PPP1R2B: variants seen among roughly 807,000 people sequenced by gnomAD.
The protein encoded by PPP1R2B is protein phosphatase inhibitor 2 family member B.
In PPP1R2B, 13 loss-of-function variants were observed where a neutral mutation model predicts 17.6. The observed-to-expected ratio is 0.74, with a 90% confidence interval of 0.48 to 1.17. PPP1R2B has a LOEUF of 1.17. Among genes scored for constraint, PPP1R2B ranks in the 50% most tolerant of loss-of-function variants. PPP1R2B has a pLI of 0.00. For missense variants in PPP1R2B, 230 were observed against 252.4 expected (o/e 0.91, Z 0.60); for synonymous variants, 105 against 95.4 (o/e 1.10, Z -0.59).
Position 156,850,629 on chromosome 5 carries a change from T to A in PPP1R2B, c.67T>A (p.Ser23Thr). ...CTTGAAGAACAAGACCTCTACGACTTCCTCTATGGTGGCGTCGGCCGAACA... is the reference window on the plus strand; with the variant it reads ...CTTGAAGAACAAGACCTCTACGACTACCTCTATGGTGGCGTCGGCCGAACA... ...GILKNKTSTTSSMVASAEQPR... is the reference protein window; with the variant it reads ...GILKNKTSTTTSMVASAEQPR... Residue 23 changes from serine (S) to threonine (T), a missense_variant, in exon 1 of 1, where the codon TCC (serine) becomes ACC (threonine). Physicochemically the swap from Ser to Thr is moderately conservative, Grantham distance 58. Coordinates refer to ENST00000522232, the MANE Select transcript of PPP1R2B (RefSeq NM_206858.3). 1 of 1,604,224 alleles carries A rather than the reference T, an allele frequency of 6.2e-7. No individual in the cohort carries two copies. Among genetic ancestry groups the A allele is most frequent in the South Asian group, 1.1e-5 (1 of 90,100 alleles).
Position 156,850,315 on chromosome 5 carries a change from C to T in PPP1R2B, c.-248C>T, listed in dbSNP as rs1436881057. ...CCCGCGGAGCTCTAGGCCGGCATCT[C>T]TCCGCGAGCCGCGGGTCAAGTGCCG... On this transcript the variant is annotated 5_prime_UTR_variant, in exon 1 of 1. Transcript: ENST00000522232. 6.7e-6 allele frequency among the ~76,000 whole-genome samples: 1 copy of T among 149,024 alleles called. No homozygotes were observed. The highest frequency in any genetic ancestry group is 2.0e-4 in the East Asian group (1 of 4,930).
rs963958295 is a variant in PPP1R2B, at chr5:156,852,277, TAAGAA to T, written c.*1100_*1104del. ...ATTATTAGTTTGGCTTAATTAGACT[TAAGAA>T]AACAACCGAGGGTTTTTTTTTGTTT... On this transcript the variant is annotated 3_prime_UTR_variant, in exon 1 of 1. Coordinates refer to ENST00000522232, the MANE Select transcript of PPP1R2B (RefSeq NM_206858.3). The T allele has an allele frequency of 7.2e-5, 11 of 152,290 alleles. No homozygotes were observed. The highest frequency in any genetic ancestry group is 2.6e-4 in the African/African-American group (11 of 41,588). The allele number at this position is 152,290 out of a possible 1,614,324, so 9.4% of individuals were successfully genotyped here. A position where few individuals can be genotyped will look rare whatever the true frequency, so the allele number is the denominator to read the frequency against.
chr5:156,852,173 G>A lies in PPP1R2B; in HGVS notation c.*993G>A, dbSNP rs1439463473. On this transcript the variant is annotated 3_prime_UTR_variant, in exon 1 of 1. Coordinates refer to ENST00000522232, the MANE Select transcript of PPP1R2B (RefSeq NM_206858.3). ...CATGAAGAAAATAGATTGAGTAGCA[G>A]CAGTACTATAGGCAGGAAATACAGT... 3 of 152,110 alleles carry A rather than the reference G, an allele frequency of 2.0e-5. No individual in the cohort carries two copies. The highest frequency in any genetic ancestry group is 4.4e-5 in the Non-Finnish European group (3 of 67,986). 9.4% of individuals were successfully genotyped at this position (152,110 alleles called of 1,614,324 possible).
Position 156,852,489 on chromosome 5 carries a change from T to C in PPP1R2B, c.*1309T>C, listed in dbSNP as rs1197622402. On this transcript the variant is annotated 3_prime_UTR_variant, in exon 1 of 1. Coordinates refer to ENST00000522232, the MANE Select transcript of PPP1R2B (RefSeq NM_206858.3). ...TTTATTCCTCTAACGCAGTAAGAATTATGTGGAATATTTTCCTTAAACGAA... is the reference window on the plus strand; with the variant it reads ...TTTATTCCTCTAACGCAGTAAGAATCATGTGGAATATTTTCCTTAAACGAA... The C allele has an allele frequency of 6.6e-6, 1 of 152,086 alleles. No individual in the cohort carries two copies. The highest frequency in any genetic ancestry group is 6.5e-5 in the Admixed American group (1 of 15,268). 9.4% of individuals were successfully genotyped at this position (152,086 alleles called of 1,614,324 possible). A position where few individuals can be genotyped will look rare whatever the true frequency, so the allele number is the denominator to read the frequency against.
Position 156,850,882 on chromosome 5 carries a change from C to T in PPP1R2B, c.320C>T (p.Ala107Val). The change falls in exon 1 of 1, where the codon GCT (alanine) becomes GTT (valine). Residue 107 changes from alanine (A) to valine (V), a missense_variant. Transcript: ENST00000522232. ...PDILAKKLAA[A>V]EGLEPKYRIQ... ...ATCCTAGCCAAGAAATTAGCTGCTG[C>T]TGAAGGCTTGGAGCCAAAGTACCGG... The T allele has an allele frequency of 6.2e-7, 1 of 1,605,444 alleles. No individual in the cohort carries two copies. Among genetic ancestry groups the T allele is most frequent in the Non-Finnish European group, 8.5e-7 (1 of 1,173,308 alleles).
At position 156,851,009 on chromosome 5, in the gene PPP1R2B, T is replaced by G. The variant is rs748240563; in HGVS notation, c.447T>G (p.Asn149Lys). ...AAATGAGAAGGAAGCTTCACTACAA[T>G]GAAGGACTCAATATCAAACTAGCCA... ...QFEMRRKLHY[N>K]EGLNIKLARQ... The change falls in exon 1 of 1, where the codon AAT becomes AAG. Residue 149 changes from asparagine to lysine, a missense_variant. By Grantham distance (94) the Asn-to-Lys change is moderately conservative. Coordinates refer to ENST00000522232, the MANE Select transcript of PPP1R2B (RefSeq NM_206858.3). 1.2e-6 allele frequency: 2 copies of G among 1,613,542 alleles called. No homozygotes were observed. The highest frequency in any genetic ancestry group is 2.2e-5 in the South Asian group (2 of 91,068).
In PPP1R2B at chr5:156,850,446, C is replaced by G. The variant is rs1758461170; in HGVS notation, c.-117C>G. Reference sequence around the variant, plus strand: ...GCCGTTTCCGAGGCAGCAGGTGCGGCCGCTTTAGCCCTGAGCGGGCTCTGC... The same window carrying G: ...GCCGTTTCCGAGGCAGCAGGTGCGGGCGCTTTAGCCCTGAGCGGGCTCTGC... On this transcript the variant is annotated 5_prime_UTR_variant, in exon 1 of 1. Coordinates refer to ENST00000522232, the MANE Select transcript of PPP1R2B (RefSeq NM_206858.3). The G allele has an allele frequency of 2.3e-6, 3 of 1,292,586 alleles. No homozygotes were observed. The highest frequency in any genetic ancestry group is 1.5e-5 in the African/African-American group (1 of 66,238). 80.1% of individuals were successfully genotyped at this position (1,292,586 alleles called of 1,614,324 possible). A position where few individuals can be genotyped will look rare whatever the true frequency, so the allele number is the denominator to read the frequency against.
In PPP1R2B at chr5:156,850,339, C is replaced by G. The variant is rs1272443222; in HGVS notation, c.-224C>G. Among the ~76,000 whole-genome samples the G allele has an allele frequency of 1.3e-5, 2 of 150,264 alleles. No homozygotes were observed. The highest frequency in any genetic ancestry group is 1.3e-4 in the Admixed American group (2 of 14,860). ...TCTCCGCGAGCCGCGGGTCAAGTGC[C>G]GGCGGCTAATGGTGCGCGAGGAGCC... is the stretch of plus-strand genomic sequence containing the variant. On this transcript the variant is annotated 5_prime_UTR_variant, in exon 1 of 1. Transcript: ENST00000522232.
chr5:156,851,078 A>G lies in PPP1R2B; in HGVS notation c.516A>G (p.Glu172=). Residue 172 remains glutamate, a synonymous_variant, in exon 1 of 1, where the codon GAA becomes GAG. Coordinates refer to ENST00000522232, the MANE Select transcript of PPP1R2B (RefSeq NM_206858.3). ...SKDLHDDDED[E]EMLETADGES... is the part of the protein sequence containing the mutation. Reference sequence around the variant, plus strand: ...ACCTACATGATGATGATGAAGATGAAGAAATGTTAGAGACTGCAGATGGAG... The same window carrying G: ...ACCTACATGATGATGATGAAGATGAGGAAATGTTAGAGACTGCAGATGGAG... 1.9e-6 allele frequency: 3 copies of G among 1,594,832 alleles called. No individual in the cohort carries two copies. The highest frequency in any genetic ancestry group is 2.6e-6 in the Non-Finnish European group (3 of 1,162,450).
chr5:156,850,679 G>C lies in PPP1R2B; in HGVS notation c.117G>C (p.Glu39Asp), dbSNP rs1475334921. The change falls in exon 1 of 1, where the codon GAG becomes GAC. Residue 39 changes from glutamate (E) to aspartate (D), a missense_variant. Glu to Asp is a conservative substitution (Grantham distance 45). Transcript: ENST00000522232. ...AGCCCCGCAGGAGTGTCGACGAGGA[G>C]CTGAGCAAAAAATCCCAGAAGTGGG... ...AEQPRRSVDE[E>D]LSKKSQKWDE... 2 of 1,580,426 alleles carry C rather than the reference G, an allele frequency of 1.3e-6. No individual in the cohort carries two copies. The highest frequency in any genetic ancestry group is 2.2e-5 in the South Asian group (2 of 90,256).
rs1758470161 is a variant in PPP1R2B, at chr5:156,850,816, C to T, written c.254C>T (p.Ala85Val). Residue 85 changes from alanine (A) to valine (V), a missense_variant, in exon 1 of 1, where the codon GCG (alanine) becomes GTG (valine). Physicochemically the swap from Ala to Val is moderately conservative, Grantham distance 64. Coordinates refer to ENST00000522232, the MANE Select transcript of PPP1R2B (RefSeq NM_206858.3). ...YHSMMGDDED[A>V]CRDTETTEAM... ...AGTATGATGGGTGATGATGAAGATG[C>T]GTGTAGGGACACCGAGACCACTGAA... is the stretch of plus-strand genomic sequence containing the variant. The T allele has an allele frequency of 1.3e-6, 2 of 1,498,218 alleles. No individual in the cohort carries two copies. The highest frequency in any genetic ancestry group is 1.9e-6 in the Non-Finnish European group (2 of 1,075,104). 92.8% of individuals were successfully genotyped at this position (1,498,218 alleles called of 1,614,324 possible).
Position 156,851,735 on chromosome 5 carries a change from T to C in PPP1R2B, c.*555T>C, listed in dbSNP as rs1467252924. On this transcript the variant is annotated 3_prime_UTR_variant, in exon 1 of 1. Coordinates refer to ENST00000522232, the MANE Select transcript of PPP1R2B (RefSeq NM_206858.3). ...GACCTACTACCTTTAAAATTCCTGT[T>C]GAGTTTCTTTGTGTTTACAAGGAAA... 2 of 153,252 alleles carry C rather than the reference T, an allele frequency of 1.3e-5. No individual in the cohort carries two copies. The highest frequency in any genetic ancestry group is 2.9e-5 in the Non-Finnish European group (2 of 68,508). The allele number at this position is 153,252 out of a possible 1,614,324, so 9.5% of individuals were successfully genotyped here.
In PPP1R2B at chr5:156,851,769, C is replaced by A. The variant is rs1034001997; in HGVS notation, c.*589C>A. On this transcript the variant is annotated 3_prime_UTR_variant, in exon 1 of 1. Transcript: ENST00000522232. ...TTGTGTTTACAAGGAAAGGACTGAA[C>A]TTTTTCTCATCAAAACTAGCTTTTT... 6.5e-6 allele frequency: 1 copy of A among 152,732 alleles called. No homozygotes were observed. The highest frequency in any genetic ancestry group is 1.5e-5 in the Non-Finnish European group (1 of 68,146). The allele number at this position is 152,732 out of a possible 1,614,324, so 9.5% of individuals were successfully genotyped here.
chr5:156,850,991 A>G lies in PPP1R2B; in HGVS notation c.429A>G (p.Arg143=), dbSNP rs1380659563. ...AAAAAAAGCGACAATTTGAAATGAG[A>G]AGGAAGCTTCACTACAATGAAGGAC... ...EREKKRQFEM[R]RKLHYNEGLN... Residue 143 remains arginine, a synonymous_variant, in exon 1 of 1, where the codon AGA becomes AGG. Coordinates refer to ENST00000522232, the MANE Select transcript of PPP1R2B (RefSeq NM_206858.3). The G allele has an allele frequency of 1.2e-6, 2 of 1,613,558 alleles. No homozygotes were observed. The highest frequency in any genetic ancestry group is 2.7e-5 in the African/African-American group (2 of 74,890).
Position 156,852,121 on chromosome 5 carries a change from C to T in PPP1R2B, c.*941C>T, listed in dbSNP as rs1388349554. 4 of 152,064 alleles carry T rather than the reference C, an allele frequency of 2.6e-5. No individual in the cohort carries two copies. Among genetic ancestry groups the T allele is most frequent in the Admixed American group, 6.5e-5 (1 of 15,274 alleles). 9.4% of individuals were successfully genotyped at this position (152,064 alleles called of 1,614,324 possible). On this transcript the variant is annotated 3_prime_UTR_variant, in exon 1 of 1. Coordinates refer to ENST00000522232, the MANE Select transcript of PPP1R2B (RefSeq NM_206858.3). ...GCTGTGTGGAAATTCTTATTTTGACCATCAATGCCTATGAATTCTTCTAAT... is the reference window on the plus strand; with the variant it reads ...GCTGTGTGGAAATTCTTATTTTGACTATCAATGCCTATGAATTCTTCTAAT...
Position 156,850,797 on chromosome 5 carries a change from A to T in PPP1R2B, c.235A>T (p.Met79Leu), listed in dbSNP as rs1431683859. The change falls in exon 1 of 1, where the codon ATG becomes TTG. Residue 79 changes from methionine (M) to leucine (L), a missense_variant. By Grantham distance (15) the Met-to-Leu change is conservative. Transcript: ENST00000522232. ...ACCAAGCCCTCCTTACCATAGTATG[A>T]TGGGTGATGATGAAGATGCGTGTAG... ...DEPSPPYHSM[M>L]GDDEDACRDT... The T allele has an allele frequency of 1.3e-6, 2 of 1,501,778 alleles. No homozygotes were observed. Among genetic ancestry groups the T allele is most frequent in the Admixed American group, 3.3e-5 (2 of 59,842 alleles). 93.0% of individuals were successfully genotyped at this position (1,501,778 alleles called of 1,614,324 possible).
At position 156,850,393 on chromosome 5, in the gene PPP1R2B, C is replaced by A; in HGVS notation, c.-170C>A. 1 of 773,068 alleles carries A rather than the reference C, an allele frequency of 1.3e-6. No individual in the cohort carries two copies. Among genetic ancestry groups the A allele is most frequent in the African/African-American group, 1.8e-5 (1 of 56,784 alleles). The allele number at this position is 773,068 out of a possible 1,614,324, so 47.9% of individuals were successfully genotyped here. Reference sequence around the variant, plus strand: ...ACCCATTCGGCGTTGGCTCTGGCGTCGGGGTCGTTGTGACAACCGCTCCAG... The same window carrying A: ...ACCCATTCGGCGTTGGCTCTGGCGTAGGGGTCGTTGTGACAACCGCTCCAG... On this transcript the variant is annotated 5_prime_UTR_variant, in exon 1 of 1. Transcript: ENST00000522232.
In PPP1R2B at chr5:156,850,627, C is replaced by T. The variant is rs758700292; in HGVS notation, c.65C>T (p.Thr22Ile). ...KGILKNKTST[T>I]SSMVASAEQP... ...ATCTTGAAGAACAAGACCTCTACGA[C>T]TTCCTCTATGGTGGCGTCGGCCGAA... The change falls in exon 1 of 1, where the codon ACT (threonine) becomes ATT (isoleucine). Residue 22 changes from threonine to isoleucine, a missense_variant. Transcript: ENST00000522232. 11 of 1,604,028 alleles carry T rather than the reference C, an allele frequency of 6.9e-6. No homozygotes were observed. The highest frequency in any genetic ancestry group is 9.4e-6 in the Non-Finnish European group (11 of 1,173,814).
rs7737304 is a variant in PPP1R2B, at chr5:156,850,454, G to T, written c.-109G>T. The T allele has an allele frequency of 2.8e-3, 3,702 of 1,328,842 alleles. 77 individuals carry two copies. In the African/African-American group the frequency reaches 0.046, roughly 16 times the overall value. The allele number at this position is 1,328,842 out of a possible 1,614,324, so 82.3% of individuals were successfully genotyped here. ...CGAGGCAGCAGGTGCGGCCGCTTTA[G>T]CCCTGAGCGGGCTCTGCGGCTGCCT... is the stretch of plus-strand genomic sequence containing the variant. On this transcript the variant is annotated 5_prime_UTR_variant, in exon 1 of 1. Coordinates refer to ENST00000522232, the MANE Select transcript of PPP1R2B (RefSeq NM_206858.3).
Sources: allele counts gnomAD v4.1 joint callset (sites outside exome capture counted in the v4.1 genomes callset), GRCh38; gene constraint gnomAD v4.1.1; transcripts MANE v1.5; gene names NCBI Gene and HGNC (gene_info 2026-07-23, HGNC 2026-07-21).